LRP1B: variants seen among roughly 807,000 people sequenced by gnomAD.
LRP1B encodes the protein low-density lipoprotein receptor-related protein 1B.
Under a neutral mutation model 556.6 loss-of-function variants are expected in LRP1B, and 217 were observed. The ratio of observed to expected loss-of-function variants is 0.39; its 90% CI spans 0.35 to 0.44. LRP1B has a LOEUF of 0.44. LRP1B is among the 20% of genes least tolerant of loss of function. The pLI is 1.00. For synonymous variants in LRP1B, 2,047 were observed against 1,865.8 expected (o/e 1.10, Z -2.50); for missense variants, 5,053 against 5,620.8 (o/e 0.90, Z 3.23).
chr2:140,345,881 A>T (rs565070866), intron 77 of LRP1B, among the ~76,000 whole-genome samples: 3,447 of 143,100 alleles, frequency 0.024, 125 homozygotes, highest in African/African-American at 0.06. Flanking sequence ...TATATATAAA[A>T]AAAATAGCAT....
At chr2:140,296,155 T>A (rs577080156) in intron 84 of LRP1B, among the ~76,000 whole-genome samples, 1 of 152,266 alleles carries the variant, frequency 6.6e-6, no homozygotes, top group Non-Finnish European at 1.5e-5. Context: ...AGTGCCAACA[T>A]GATGCCACGA....
At chr2:141,270,801 C>T (rs1009772852) in intron 3 of LRP1B, among the ~76,000 whole-genome samples, 1 of 151,730 alleles carries the variant, frequency 6.6e-6, no homozygotes, top group African/African-American at 2.4e-5. Context: ...AACAAGAATC[C>T]ATTACTTAAT....
At chr2:140,314,484 A>G (rs1684434079) in intron 83 of LRP1B, among the ~76,000 whole-genome samples, 1 of 152,144 alleles carries the variant, frequency 6.6e-6, no homozygotes, top group Non-Finnish European at 1.5e-5. Context: ...AAAAGAATAG[A>G]TACAATTTTA....
chr2:140,964,886 G>A (rs549869238), intron 18 of LRP1B, among the ~76,000 whole-genome samples: 4 of 152,254 alleles, frequency 2.6e-5, no homozygotes, highest in South Asian at 2.1e-4. Context: ...CCCAGGAGGC[G>A]GAAGTCAAAG....
intron 7 of LRP1B, among the ~76,000 whole-genome samples, chr2:141,094,525 A>G (rs752947138): frequency 1.6e-4 from 25 of 152,182 alleles, no homozygotes; most frequent in Non-Finnish European, 3.2e-4. Context: ...CTACACGAGC[A>G]GGAGACCAGC....
intron 2 of LRP1B, among the ~76,000 whole-genome samples, chr2:141,782,514 C>CTTTTTTTTTTTTTTTTTTTT (rs5834867): frequency 1.0e-5 from 1 of 97,864 alleles, no homozygotes; most frequent in African/African-American, 4.4e-5. Context: ...TTCTATTTTC[C>CTTTTTTTTTTTTTTTTTTTT]TTTTTTTTTT....
chr2:141,284,328 C>T (rs2105394484), intron 3 of LRP1B, among the ~76,000 whole-genome samples: 2 of 152,100 alleles, frequency 1.3e-5, no homozygotes, highest in Middle Eastern at 6.8e-3. Context: ...AAATGAGATA[C>T]CACTGAAAAT....
chr2:142,051,820 C>A (rs1342576904), intron 1 of LRP1B, among the ~76,000 whole-genome samples: 2 of 152,082 alleles, frequency 1.3e-5, no homozygotes, highest in African/African-American at 2.4e-5. Context: ...CGCTGGATTT[C>A]TGGATTTAGG....
At chr2:140,562,996 T>G (rs1193621458) in intron 43 of LRP1B, among the ~76,000 whole-genome samples, 2 of 152,172 alleles carry the variant, frequency 1.3e-5, no homozygotes, top group Non-Finnish European at 2.9e-5. Flanking sequence ...ATTACTGTTG[T>G]GCTTATAATA....
rs561902224 is a variant in LRP1B, at chr2:141,697,553, G to A, written c.205+112726C>T. Among the ~76,000 whole-genome samples the A allele has an allele frequency of 2.0e-5, 3 of 152,088 alleles. No homozygotes were observed. In the South Asian group the frequency reaches 6.2e-4, roughly 31 times the overall value. On this transcript the variant is annotated intron_variant, in intron 2 of 90. Coordinates refer to ENST00000389484, the MANE Select transcript of LRP1B (RefSeq NM_018557.3). ...GGAAAGTAAATATAGATAGTTAAAT[G>A]TAAAGATAACAATCAATTAGGATGT...
intron 2 of LRP1B, among the ~76,000 whole-genome samples, chr2:141,567,214 A>G (rs931124962): frequency 3.9e-5 from 6 of 152,162 alleles, no homozygotes; most frequent in African/African-American, 1.4e-4. Flanking sequence ...AACTTATAAG[A>G]CCATGTTTCT....
intron 2 of LRP1B, among the ~76,000 whole-genome samples, chr2:141,660,701 T>TG (rs1464855579): frequency 6.6e-6 from 1 of 152,132 alleles, no homozygotes; most frequent in Admixed American, 6.5e-5. Context: ...CCTGTGGAAA[T>TG]GGGCTGCCGT....
At chr2:141,617,372 A>G (rs150419329) in intron 2 of LRP1B, among the ~76,000 whole-genome samples, 1,713 of 152,310 alleles carry the variant, frequency 0.011, 127 homozygotes, top group Admixed American at 0.11. Context: ...AACTTATGTG[A>G]GCATTTTTAT....
chr2:141,361,399 T>C (rs758737077), intron 3 of LRP1B, among the ~76,000 whole-genome samples: 3 of 152,208 alleles, frequency 2.0e-5, no homozygotes, highest in African/African-American at 7.2e-5. Flanking sequence ...TGTCTAAATG[T>C]TTTAAATTAT....
intron 11 of LRP1B, among the ~76,000 whole-genome samples, chr2:141,024,537 A>G (rs937006738): frequency 9.9e-5 from 15 of 152,036 alleles, no homozygotes; most frequent in African/African-American, 2.9e-4. Flanking sequence ...CTTTGATACA[A>G]TGAAGACATG....
intron 2 of LRP1B, among the ~76,000 whole-genome samples, chr2:141,629,780 A>G (rs1462090823): frequency 1.3e-5 from 2 of 152,180 alleles, no homozygotes; most frequent in African/African-American, 4.8e-5. Context: ...TAAGGTTAAT[A>G]TATCAAACTG....
At chr2:141,206,446 G>A (rs932865126) in intron 6 of LRP1B, among the ~76,000 whole-genome samples, 3 of 151,952 alleles carry the variant, frequency 2.0e-5, no homozygotes, top group African/African-American at 4.8e-5. Context: ...TTAGCCAGGC[G>A]TGGTGGCGGG....
intron 3 of LRP1B, among the ~76,000 whole-genome samples, chr2:141,436,819 A>T (rs910692632): frequency 1.3e-5 from 2 of 152,152 alleles, no homozygotes; most frequent in African/African-American, 2.4e-5. Context: ...TTATACTGGC[A>T]GCATTTCATA....
In LRP1B at chr2:140,331,306, C is replaced by A. The variant is rs185322612; in HGVS notation, c.12223+3147G>T. Among the ~76,000 whole-genome samples, 138 of 152,170 alleles carry A rather than the reference C, an allele frequency of 9.1e-4. 1 individual carries two copies. Among genetic ancestry groups the A allele is most frequent in the African/African-American group, 3.2e-3 (133 of 41,552 alleles). ...TGCAGCTTGAAGCCATTATCCTCAG[C>A]AAAATATTTCATGTTCCTGCTGTCA... On this transcript the variant is annotated intron_variant, in intron 79 of 90. Coordinates refer to ENST00000389484, the MANE Select transcript of LRP1B (RefSeq NM_018557.3).
Sources: allele counts gnomAD v4.1 joint callset (sites outside exome capture counted in the v4.1 genomes callset), GRCh38; gene constraint gnomAD v4.1.1; transcripts MANE v1.5; gene names NCBI Gene and HGNC (gene_info 2026-07-23, HGNC 2026-07-21).